The following STAU2 variants were observed in gnomAD, a reference collection of about 807,000 sequenced individuals.
The protein encoded by STAU2 is double-stranded RNA-binding protein Staufen homolog 2.
Under a neutral mutation model 65.9 loss-of-function variants are expected in STAU2, and 20 were observed. That is an observed-to-expected ratio of 0.30 (90% CI 0.21 to 0.44). The LOEUF (loss-of-function observed/expected upper bound fraction) is 0.44. Ranked by LOEUF, STAU2 falls within the 20% of genes least tolerant of loss-of-function variation. STAU2 has a pLI of 1.00. For synonymous variants in STAU2, 232 were observed against 233.9 expected (o/e 0.99, Z 0.07); for missense variants, 558 against 683.9 (o/e 0.82, Z 2.05).
In STAU2 at chr8:73,456,051, A is replaced by G. The variant is rs144846208; in HGVS notation, c.1531-33349T>C. On this transcript the variant is annotated intron_variant, in intron 13 of 14. Coordinates refer to ENST00000524300, the MANE Select transcript of STAU2 (RefSeq NM_001164380.2). ...AGAAAGGATCCATGTACTGGTACAA[A>G]TGAATGACGATGGGACATGCTCTCC... is the stretch of plus-strand genomic sequence containing the variant. 3.2e-4 allele frequency among the ~76,000 whole-genome samples: 49 copies of G among 152,358 alleles called. No individual in the cohort carries two copies. The East Asian group carries it at 7.9e-3, about 25-fold the overall frequency.
chr8:73,595,132 A>T (rs1266904050), intron 11 of STAU2, 34 bp downstream of exon 11: 6 of 1,531,550 alleles, frequency 3.9e-6, no homozygotes, highest in Non-Finnish European at 5.3e-6. Context: ...ATATTATGAC[A>T]GATAGGATAC....
At chr8:73,599,806 C>G (rs1433517292) in intron 10 of STAU2, among the ~76,000 whole-genome samples, 1 of 151,890 alleles carries the variant, frequency 6.6e-6, no homozygotes, top group Non-Finnish European at 1.5e-5. Flanking sequence ...CGCTCTGTCA[C>G]CCAGGTTCTG....
chr8:73,716,882 T>C (rs1821287974), intron 3 of STAU2, among the ~76,000 whole-genome samples: 1 of 152,088 alleles, frequency 6.6e-6, no homozygotes, highest in Non-Finnish European at 1.5e-5. Flanking sequence ...GGCAGGTGGA[T>C]CGTTTTAGGT....
At chr8:73,651,320 C>T (rs1160200615) in intron 6 of STAU2, 6 of 677,372 alleles carry the variant, frequency 8.9e-6, no homozygotes, top group East Asian at 5.6e-5. Flanking sequence ...GGAGCAGGTC[C>T]GTGGCTTGGA....
At position 73,671,083 on chromosome 8, in the gene STAU2, T is replaced by TA. The variant is rs375465776; in HGVS notation, c.410+2023dup. 8.1e-3 allele frequency among the ~76,000 whole-genome samples: 1,195 copies of TA among 146,868 alleles called. 23 individuals carry two copies. Among genetic ancestry groups the TA allele is most frequent in the African/African-American group, 0.025 (1,003 of 40,210 alleles). On this transcript the variant is annotated intron_variant, in intron 6 of 14. Transcript: ENST00000524300. ...CAAATCAAAAAGGATAACAAATATC[T>TA]AAAAAAAAAACTGTTCAGCCTCACT...
intron 13 of STAU2, among the ~76,000 whole-genome samples, chr8:73,469,855 C>T (rs111539225): frequency 2.0e-5 from 3 of 152,234 alleles, no homozygotes; most frequent in African/African-American, 7.2e-5. Flanking sequence ...AACCGCTGAG[C>T]AGATTTATGA....
At chr8:73,668,414 C>A (rs1817395684) in intron 6 of STAU2, among the ~76,000 whole-genome samples, 4 of 152,210 alleles carry the variant, frequency 2.6e-5, no homozygotes, top group Admixed American at 2.6e-4. Context: ...GAAATCTACA[C>A]CAGCAGATCA....
At chr8:73,633,360 A>G (rs1436215221) in intron 6 of STAU2, among the ~76,000 whole-genome samples, 2 of 152,200 alleles carry the variant, frequency 1.3e-5, no homozygotes, top group African/African-American at 4.8e-5. Flanking sequence ...CTACATTACT[A>G]TATTCCTCTC....
intron 13 of STAU2, among the ~76,000 whole-genome samples, chr8:73,468,083 A>G (rs1453228322): frequency 6.6e-6 from 1 of 152,244 alleles, no homozygotes; most frequent in African/African-American, 2.4e-5. Context: ...TAACCAAAAC[A>G]GCATGGTACT....
At chr8:73,720,174 G>C (rs1256825071) in intron 3 of STAU2, among the ~76,000 whole-genome samples, 1 of 151,886 alleles carries the variant, frequency 6.6e-6, no homozygotes, top group East Asian at 1.9e-4. Context: ...TCCCAGCTAG[G>C]AGGCTGAAGT....
intron 4 of STAU2, among the ~76,000 whole-genome samples, chr8:73,707,844 G>A (rs1203946474): frequency 6.6e-6 from 1 of 151,574 alleles, no homozygotes; most frequent in Non-Finnish European, 1.5e-5. Context: ...AGGCCCAGTA[G>A]AGGAATCAGA....
At chr8:73,597,950 G>A (rs1338904682) in intron 10 of STAU2, among the ~76,000 whole-genome samples, 1 of 152,086 alleles carries the variant, frequency 6.6e-6, no homozygotes, top group Non-Finnish European at 1.5e-5. Flanking sequence ...AACACGAAAT[G>A]AGAAATCAGT....
chr8:73,472,394 T>C lies in STAU2; in HGVS notation c.1531-49692A>G, dbSNP rs370174281. 1.3e-3 allele frequency among the ~76,000 whole-genome samples: 204 copies of C among 152,320 alleles called. 1 individual carries two copies. The highest frequency in any genetic ancestry group is 4.5e-3 in the African/African-American group (187 of 41,564). On this transcript the variant is annotated intron_variant, in intron 13 of 14. Transcript: ENST00000524300. Reference sequence around the variant, plus strand: ...GGGAAAGTGAAAAGTTGGCCCCACATACACCAGGCCAAAGTTACAGAAAAT... The same window carrying C: ...GGGAAAGTGAAAAGTTGGCCCCACACACACCAGGCCAAAGTTACAGAAAAT...
intron 6 of STAU2, among the ~76,000 whole-genome samples, chr8:73,639,888 T>C (rs900302121): frequency 3.9e-5 from 6 of 152,066 alleles, no homozygotes; most frequent in Admixed American, 6.6e-5. Flanking sequence ...AATAGATACA[T>C]AAAATTTTAT....
At chr8:73,738,696 A>C (rs1266718941) in intron 2 of STAU2, among the ~76,000 whole-genome samples, 2 of 152,196 alleles carry the variant, frequency 1.3e-5, no homozygotes, top group Non-Finnish European at 2.9e-5. Context: ...AGACAATCCC[A>C]ACAAAAGTGA....
chr8:73,680,323 C>G (rs1818344382), intron 5 of STAU2, among the ~76,000 whole-genome samples: 1 of 152,066 alleles, frequency 6.6e-6, no homozygotes, highest in Admixed American at 6.5e-5. Flanking sequence ...CCAATACCAG[C>G]CTGGAGTCCA....
chr8:73,509,125 C>CTA (rs1380602249), intron 13 of STAU2, among the ~76,000 whole-genome samples: 3 of 152,324 alleles, frequency 2.0e-5, no homozygotes, highest in Admixed American at 2.0e-4. Context: ...TACAAGCTTC[C>CTA]TATATAAAGT....
chr8:73,650,709 G>T (rs1815794371), intron 6 of STAU2, among the ~76,000 whole-genome samples: 1 of 152,142 alleles, frequency 6.6e-6, no homozygotes, highest in African/African-American at 2.4e-5. Flanking sequence ...CTCACAAAAA[G>T]GGTGGGTTTT....
intron 13 of STAU2, among the ~76,000 whole-genome samples, chr8:73,498,548 T>C (rs995272587): frequency 4.6e-5 from 7 of 151,840 alleles, no homozygotes; most frequent in African/African-American, 1.7e-4. Flanking sequence ...TCAAGTCTCT[T>C]TCCTGCTTTC....
Sources: gnomAD v4.1 joint callset for allele counts (sites outside exome capture counted in the v4.1 genomes callset) on GRCh38, gnomAD v4.1.1 for gene constraint, MANE v1.5 for transcripts, NCBI Gene and HGNC (gene_info 2026-07-23, HGNC 2026-07-21) for gene names.